The following TRPM8 variants were observed in gnomAD, a reference collection of about 807,000 sequenced individuals.
TRPM8 encodes TRPM8 cationic channel.
A neutral mutation model predicts 133.7 loss-of-function variants in TRPM8; 110 were observed. The ratio of observed to expected loss-of-function variants is 0.82; its 90% CI spans 0.70 to 0.96. The LOEUF is 0.96. Among genes scored for constraint, TRPM8 ranks in the 40% least tolerant of loss-of-function variants. The pLI is 0.00. For synonymous variants in TRPM8, 535 were observed against 532.3 expected (o/e 1.01, Z -0.07); for missense variants, 1,291 against 1,379.5 (o/e 0.94, Z 1.02).
chr2:233,932,893 T>C (rs1443285982), intron 3 of TRPM8, among the ~76,000 whole-genome samples: 1 of 149,186 alleles, frequency 6.7e-6, no homozygotes, highest in Non-Finnish European at 1.5e-5. Flanking sequence ...ATACCCTGGT[T>C]TTGCTGTTAC....
chr2:234,008,238 G>C, intron 24 of TRPM8, 135 bp downstream of exon 24: 1 of 872,654 alleles, frequency 1.1e-6, no homozygotes. Context: ...TAAGAGCAGG[G>C]TGCTGGAATG....
intron 25 of TRPM8, among the ~76,000 whole-genome samples, chr2:234,015,549 A>C (rs1314686944): frequency 2.0e-5 from 3 of 152,200 alleles, no homozygotes; most frequent in African/African-American, 7.2e-5. Flanking sequence ...TAAGCTGCAG[A>C]AATTCCTATT....
chr2:233,993,218 A>G (rs781666622), intron 21 of TRPM8, among the ~76,000 whole-genome samples: 66 of 152,138 alleles, frequency 4.3e-4, no homozygotes, highest in Non-Finnish European at 8.5e-4. Context: ...AGTTCTTGCT[A>G]TTTGTCTGGG....
At chr2:233,926,415 G>A (rs1691516426) in intron 1 of TRPM8, 118 bp from the exon 2 acceptor site, 1 of 758,762 alleles carries the variant, frequency 1.3e-6, no homozygotes, top group Non-Finnish European at 2.3e-6. Context: ...ATGGAGCATG[G>A]GACATTGCAC....
chr2:233,936,094 C>T (rs1201406549), intron 3 of TRPM8, among the ~76,000 whole-genome samples: 1 of 152,126 alleles, frequency 6.6e-6, no homozygotes, highest in Non-Finnish European at 1.5e-5. Flanking sequence ...CATTTCCAAC[C>T]CTCATGGCAA....
chr2:233,948,336 G>A (rs1254816362), intron 8 of TRPM8, among the ~76,000 whole-genome samples: 1 of 152,142 alleles, frequency 6.6e-6, no homozygotes, highest in East Asian at 1.9e-4. Context: ...GTGTGTGATT[G>A]TCAGTGTATT....
At chr2:233,929,001 T>C (rs990659928) in intron 2 of TRPM8, among the ~76,000 whole-genome samples, 25 of 135,262 alleles carry the variant, frequency 1.8e-4, no homozygotes, top group African/African-American at 5.3e-4. Context: ...TCTTTTCTTT[T>C]TTTTTTTATT....
rs769920281 is a variant in TRPM8, at chr2:233,960,910, C to T, written c.1497C>T (p.Asn499=). 25 of 1,614,196 alleles carry T rather than the reference C, an allele frequency of 1.5e-5. No homozygotes were observed. The East Asian group carries it at 5.3e-4, about 35-fold the overall frequency. The stretch of plus-strand genomic sequence containing the variant: ...ATGTCCTCACTGAACTCTTCTCCAA[C>T]CACTTCAGCACGCTTGTGTACCGGA... The part of the protein sequence containing the change: ...THDVLTELFS[N]HFSTLVYRNL... Residue 499 remains asparagine (N), a synonymous_variant, in exon 12 of 26, where the codon AAC becomes AAT. Transcript: ENST00000324695.
At chr2:233,954,416 G>A (rs1691242986) in intron 10 of TRPM8, among the ~76,000 whole-genome samples, 1 of 152,156 alleles carries the variant, frequency 6.6e-6, no homozygotes, top group Middle Eastern at 3.2e-3. Context: ...AAGTAACTTT[G>A]CATTTAATTT....
At chr2:233,927,720 T>G in intron 2 of TRPM8, among the ~76,000 whole-genome samples, 1 of 20,500 alleles carries the variant, frequency 4.9e-5, no homozygotes, top group African/African-American at 5.1e-4. Context: ...CTTTCTTTCT[T>G]TCTTTCTTTC....
At chr2:233,940,048 GT>G (rs34052230) in intron 5 of TRPM8, among the ~76,000 whole-genome samples, 16,516 of 137,980 alleles carry the variant, frequency 0.12, 2,313 homozygotes, top group African/African-American at 0.35. Context: ...ATTTAGCTTT[GT>G]TTTTTTTTTT....
At chr2:234,009,507 G>A (rs746642446) in intron 24 of TRPM8, among the ~76,000 whole-genome samples, 84 of 152,158 alleles carry the variant, frequency 5.5e-4, no homozygotes, top group Admixed American at 1.2e-3. Context: ...CCCTGGGTCA[G>A]AGGAGAGGCG....
chr2:233,978,411 A>G (rs542667729), intron 17 of TRPM8, among the ~76,000 whole-genome samples: 10 of 152,020 alleles, frequency 6.6e-5, no homozygotes, highest in East Asian at 1.9e-4. Context: ...CTGAGATGTC[A>G]TTTTTTTCAC....
At chr2:233,962,347 C>T (rs1691460197) in intron 12 of TRPM8, among the ~76,000 whole-genome samples, 1 of 152,140 alleles carries the variant, frequency 6.6e-6, no homozygotes, top group Non-Finnish European at 1.5e-5. Context: ...TACTCTGGCT[C>T]CTAGAGTTGG....
intron 1 of TRPM8, among the ~76,000 whole-genome samples, chr2:233,922,839 T>C (rs1691436241): frequency 6.6e-6 from 1 of 152,226 alleles, no homozygotes. Context: ...GTAATTTTTT[T>C]CTGCTATATT....
In TRPM8 at chr2:233,971,253, G is replaced by A. The variant is rs183067691; in HGVS notation, c.2355+827G>A. Among the ~76,000 whole-genome samples, 25 of 152,324 alleles carry A rather than the reference G, an allele frequency of 1.6e-4. No homozygotes were observed. In the East Asian group the frequency reaches 4.8e-3, roughly 29 times the overall value. On this transcript the variant is annotated intron_variant, in intron 17 of 25. Coordinates refer to ENST00000324695, the MANE Select transcript of TRPM8 (RefSeq NM_024080.5). Reference sequence around the variant, plus strand: ...CTATGATAGATCTGGAGGGGGCAAAGAGTGCTGTTCTTGCCCTTACAGAGT... The same window carrying A: ...CTATGATAGATCTGGAGGGGGCAAAAAGTGCTGTTCTTGCCCTTACAGAGT...
chr2:234,008,732 C>T (rs965441999), intron 24 of TRPM8, among the ~76,000 whole-genome samples: 12 of 152,136 alleles, frequency 7.9e-5, no homozygotes, highest in Non-Finnish European at 1.8e-4. Context: ...TGTGGCTGTT[C>T]GGTGGGTAGA....
In TRPM8 at chr2:233,989,656, A is replaced by C. The variant is rs1184970799; in HGVS notation, c.2939+3791A>C. On this transcript the variant is annotated intron_variant, in intron 21 of 25. Coordinates refer to ENST00000324695, the MANE Select transcript of TRPM8 (RefSeq NM_024080.5). This position sits in a 1 kb window ranked among gnomAD's most constrained non-coding sequence, Gnocchi z 4.2. Reference sequence around the variant, plus strand: ...AAAATACTCATTTAAAAGCTTAACCATACACAATGGCAACCTTATTAACTG... The same window carrying C: ...AAAATACTCATTTAAAAGCTTAACCCTACACAATGGCAACCTTATTAACTG... Among the ~76,000 whole-genome samples the C allele has an allele frequency of 6.6e-6, 1 of 152,240 alleles. No individual in the cohort carries two copies. Among genetic ancestry groups the C allele is most frequent in the African/African-American group, 2.4e-5 (1 of 41,456 alleles).
Position 233,970,213 on chromosome 2 carries a change from G to A in TRPM8, c.2142G>A (p.Lys714=). Reference sequence around the variant, plus strand: ...ATGCCCTTATCTCTGGGTCCAGGAAGAAACCTGTCGACAAGCACAAGAAGC... The same window carrying A: ...ATGCCCTTATCTCTGGGTCCAGGAAAAAACCTGTCGACAAGCACAAGAAGC... ...LVGCGFVSFR[K]KPVDKHKKLL... is the part of the protein sequence containing the mutation. Residue 714 remains lysine, a synonymous_variant, in exon 17 of 26, where the codon AAG becomes AAA. Transcript: ENST00000324695. The A allele has an allele frequency of 1.2e-6, 2 of 1,614,128 alleles. No individual in the cohort carries two copies. Among genetic ancestry groups the A allele is most frequent in the South Asian group, 1.1e-5 (1 of 91,070 alleles).
Sources: allele counts gnomAD v4.1 joint callset (sites outside exome capture counted in the v4.1 genomes callset), GRCh38; gene constraint gnomAD v4.1.1; non-coding constraint Gnocchi (gnomAD v3.1); transcripts MANE v1.5; gene names NCBI Gene and HGNC (gene_info 2026-07-23, HGNC 2026-07-21).